Variants in CPT1A observed in about 807,000 individuals in gnomAD.
CPT1A encodes carnitine O-palmitoyltransferase 1, liver isoform.
A neutral mutation model predicts 100.8 loss-of-function variants in CPT1A; 64 were observed. The ratio of observed to expected loss-of-function variants is 0.63; its 90% CI spans 0.52 to 0.78. The LOEUF is 0.78. Ranked by LOEUF, CPT1A falls within the 30% of genes least tolerant of loss-of-function variation. CPT1A has a pLI of 0.00. For missense variants in CPT1A, 802 were observed against 1,034.1 expected (o/e 0.78, Z 3.08); for synonymous variants, 363 against 396.0 (o/e 0.92, Z 0.99).
At chr11:68,831,433 T>C (rs1856875612) in intron 1 of CPT1A, among the ~76,000 whole-genome samples, 1 of 152,136 alleles carries the variant, frequency 6.6e-6, no homozygotes, top group African/African-American at 2.4e-5. Context: ...CAATAAAACT[T>C]GATACGTGAC....
intron 1 of CPT1A, among the ~76,000 whole-genome samples, chr11:68,819,501 C>T (rs978131883): frequency 2.6e-5 from 4 of 152,166 alleles, no homozygotes; most frequent in Non-Finnish European, 5.9e-5. Context: ...GACTGGCTAC[C>T]TCTGCACGAT....
intron 13 of CPT1A, 94 bp from the exon 14 acceptor site, chr11:68,773,523 C>G: frequency 3.1e-6 from 5 of 1,588,640 alleles, no homozygotes; most frequent in Non-Finnish European, 4.3e-6. Context: ...TTTAGTGCAG[C>G]TATAAACTCG....
In CPT1A at chr11:68,841,321, C is replaced by T. The variant is rs1857154562; in HGVS notation, c.-14+454G>A. ...CGGGCGAAGGCATCCTGGAAAGCAT[C>T]CAGAGCGTCCAGCATCCCTCCCGCG... is the stretch of plus-strand genomic sequence containing the variant. On this transcript the variant is annotated intron_variant, in intron 1 of 18. Transcript: ENST00000265641. This position sits in a 1 kb window ranked among gnomAD's most constrained non-coding sequence, Gnocchi z 6.3. Among the ~76,000 whole-genome samples the T allele has an allele frequency of 5.3e-5, 8 of 152,280 alleles. No homozygotes were observed. In the South Asian group the frequency reaches 1.7e-3, roughly 32 times the overall value.
intron 5 of CPT1A, among the ~76,000 whole-genome samples, chr11:68,803,131 G>A (rs1008329017): frequency 2.0e-5 from 3 of 152,096 alleles, no homozygotes; most frequent in Admixed American, 6.6e-5. Context: ...ACAGATGAAC[G>A]GATAAATAAA....
At chr11:68,807,417 C>A in intron 4 of CPT1A, 50 bp downstream of exon 4, 1 of 1,585,108 alleles carries the variant, frequency 6.3e-7, no homozygotes, top group African/African-American at 1.3e-5. Flanking sequence ...TCCTTCTTCC[C>A]AAAGCCCAAA....
intron 14 of CPT1A, among the ~76,000 whole-genome samples, chr11:68,763,756 G>A (rs2153995359): frequency 6.6e-6 from 1 of 152,300 alleles, no homozygotes; most frequent in South Asian, 2.1e-4. Flanking sequence ...ATGGTGCCTG[G>A]CCCACTGCGG....
At chr11:68,829,204 G>A (rs1025435438) in intron 1 of CPT1A, among the ~76,000 whole-genome samples, 6 of 152,114 alleles carry the variant, frequency 3.9e-5, no homozygotes, top group Non-Finnish European at 5.9e-5. Flanking sequence ...CCCGGGCCGC[G>A]TGTCCCACCA....
intron 1 of CPT1A, among the ~76,000 whole-genome samples, chr11:68,831,078 T>G (rs1163528986): frequency 6.6e-6 from 1 of 152,214 alleles, no homozygotes; most frequent in Non-Finnish European, 1.5e-5. Flanking sequence ...ATCCCCCAAA[T>G]CCTTGGCCAA....
chr11:68,782,604 C>T (rs898015632), intron 10 of CPT1A, among the ~76,000 whole-genome samples: 1 of 152,184 alleles, frequency 6.6e-6, no homozygotes, highest in Non-Finnish European at 1.5e-5. Context: ...GTGTGATGCC[C>T]ACTTCCTTCT....
chr11:68,779,020 G>A (rs1256246437), intron 12 of CPT1A, among the ~76,000 whole-genome samples: 9 of 151,962 alleles, frequency 5.9e-5, no homozygotes, highest in East Asian at 2.0e-4. Context: ...TCCTGACCTC[G>A]TGATCCGCCT....
In CPT1A at chr11:68,798,647, G is replaced by A. The variant is rs142750440; in HGVS notation, c.693+571C>T. Among the ~76,000 whole-genome samples, 454 of 152,070 alleles carry A rather than the reference G, an allele frequency of 3.0e-3. 2 individuals are homozygous for A. The highest frequency in any genetic ancestry group is 0.01 in the African/African-American group (432 of 41,480). ...ACCCCAGGGAGGGGCGATCAGCACC[G>A]CCCTATCCCACACCATCCCTGCATC... On this transcript the variant is annotated intron_variant, in intron 6 of 18. Coordinates refer to ENST00000265641, the MANE Select transcript of CPT1A (RefSeq NM_001876.4).
At chr11:68,816,686 G>T (rs1224551415) in intron 1 of CPT1A, among the ~76,000 whole-genome samples, 1 of 151,970 alleles carries the variant, frequency 6.6e-6, no homozygotes, top group Non-Finnish European at 1.5e-5. Context: ...CTGCCACAAA[G>T]TACTAAATGG....
chr11:68,826,862 G>A (rs1403976618), intron 1 of CPT1A, among the ~76,000 whole-genome samples: 2 of 152,132 alleles, frequency 1.3e-5, no homozygotes, highest in Non-Finnish European at 2.9e-5. Context: ...AACAGGACTG[G>A]GACTACAGGT....
At chr11:68,827,791 G>A (rs1361663946) in intron 1 of CPT1A, among the ~76,000 whole-genome samples, 3 of 152,142 alleles carry the variant, frequency 2.0e-5, no homozygotes, top group Admixed American at 6.6e-5. Flanking sequence ...ATACACGTGC[G>A]AGGCACACAC....
At chr11:68,758,187 G>C (rs930120537) in intron 18 of CPT1A, among the ~76,000 whole-genome samples, 3 of 152,140 alleles carry the variant, frequency 2.0e-5, no homozygotes, top group Non-Finnish European at 2.9e-5. Flanking sequence ...AGGATCCCCT[G>C]AGCCCAGGAG....
chr11:68,819,163 C>T (rs1364289658), intron 1 of CPT1A, among the ~76,000 whole-genome samples: 4 of 152,144 alleles, frequency 2.6e-5, no homozygotes, highest in Non-Finnish European at 5.9e-5. Context: ...ACTGCAACTT[C>T]CACCTCCCGG....
intron 6 of CPT1A, among the ~76,000 whole-genome samples, chr11:68,798,100 TC>T (rs758820713): frequency 1.3e-5 from 2 of 152,220 alleles, no homozygotes; most frequent in African/African-American, 2.4e-5. Flanking sequence ...AACCTGGTGT[TC>T]CGCAGGTGTT....
chr11:68,793,479 C>T (rs1855674246), intron 8 of CPT1A, 77 bp from the exon 9 acceptor site: 3 of 1,160,350 alleles, frequency 2.6e-6, no homozygotes, highest in Non-Finnish European at 3.7e-6. Context: ...GGTGCGGTGG[C>T]TCACGCCTGT....
At chr11:68,795,416 A>G (rs1247940263) in intron 7 of CPT1A, among the ~76,000 whole-genome samples, 1 of 152,222 alleles carries the variant, frequency 6.6e-6, no homozygotes, top group African/African-American at 2.4e-5. Context: ...ATTGATGTAG[A>G]AAGTGCCTCT....
Sources: gnomAD v4.1 joint callset for allele counts (sites outside exome capture counted in the v4.1 genomes callset) on GRCh38, gnomAD v4.1.1 for gene constraint, Gnocchi (gnomAD v3.1) non-coding constraint, MANE v1.5 for transcripts, NCBI Gene and HGNC (gene_info 2026-07-23, HGNC 2026-07-21) for gene names.